The following RAVER2 variants were observed in gnomAD, a reference collection of about 807,000 sequenced individuals.
The protein encoded by RAVER2 is ribonucleoprotein PTB-binding 2.
Under a neutral mutation model 78.1 loss-of-function variants are expected in RAVER2, and 46 were observed. That is an observed-to-expected ratio of 0.59 (90% CI 0.46 to 0.75). RAVER2 has a LOEUF of 0.75. RAVER2 is among the 30% of genes least tolerant of loss of function. The pLI, the probability that RAVER2 is intolerant of heterozygous loss-of-function variation, is 0.00. For missense variants in RAVER2, 793 were observed against 837.5 expected, an observed-to-expected ratio of 0.95 and a Z score of 0.66; for synonymous variants, 311 against 313.3, an observed-to-expected ratio of 0.99 and a Z score of 0.08.
At chr1:64,824,485 C>T (rs1653961705) in intron 11 of RAVER2, among the ~76,000 whole-genome samples, 2 of 152,100 alleles carry the variant, frequency 1.3e-5, no homozygotes. Flanking sequence ...CAAACACCTA[C>T]CATACAAAAT....
At chr1:64,758,469 G>A (rs2100810094) in intron 1 of RAVER2, among the ~76,000 whole-genome samples, 1 of 152,218 alleles carries the variant, frequency 6.6e-6, no homozygotes. Context: ...AAGCCTTAGG[G>A]GAAATTCGAG....
rs1653518622 is a variant in RAVER2, at chr1:64,808,757, TG to T, written c.1680+1285del. 2.0e-5 allele frequency among the ~76,000 whole-genome samples: 3 copies of T among 152,180 alleles called. No homozygotes were observed. In the South Asian group the frequency reaches 6.2e-4, roughly 31 times the overall value. The stretch of plus-strand genomic sequence containing the variant: ...TATTACAGGTGTGAGCCACTGCACC[TG>T]GCCGTCAATTCTTTATAGAATGAAT... On this transcript the variant is annotated intron_variant, in intron 9 of 11. Transcript: ENST00000294428.
At chr1:64,789,095 G>C (rs1363946595) in intron 4 of RAVER2, among the ~76,000 whole-genome samples, 1 of 152,104 alleles carries the variant, frequency 6.6e-6, no homozygotes, top group Admixed American at 6.5e-5. Context: ...AATAACTTCA[G>C]ATTCCCTTGT....
chr1:64,775,811 G>C (rs1652445021), intron 2 of RAVER2, among the ~76,000 whole-genome samples: 1 of 152,112 alleles, frequency 6.6e-6, no homozygotes, highest in Non-Finnish European at 1.5e-5. Context: ...TTGAGGTCAG[G>C]AGTTCGAGAC....
At chr1:64,816,972 A>G (rs1653770889) in intron 11 of RAVER2, among the ~76,000 whole-genome samples, 1 of 152,240 alleles carries the variant, frequency 6.6e-6, no homozygotes, top group South Asian at 2.1e-4. Context: ...CAGGCAACCT[A>G]CAGAAGGGAG....
chr1:64,803,124 T>A, intron 6 of RAVER2, 63 bp downstream of exon 6: 1 of 1,266,818 alleles, frequency 7.9e-7, no homozygotes, highest in Non-Finnish European at 1.1e-6. Flanking sequence ...TGTTTGTTCT[T>A]AACACTTAAA....
At chr1:64,829,103 C>T (rs1465044561) in intron 11 of RAVER2, among the ~76,000 whole-genome samples, 2 of 152,130 alleles carry the variant, frequency 1.3e-5, no homozygotes, top group African/African-American at 4.8e-5. Context: ...GTGTTAGCAC[C>T]ATTGGGAAGC....
At chr1:64,831,048 C>CT in exon 12 of RAVER2, 1 of 1,499,512 alleles carries the variant, frequency 6.7e-7, no homozygotes, top group Non-Finnish European at 9.0e-7. Flanking sequence ...TCATCGCTGC[C>CT]TTAACTTCAT....
chr1:64,810,997 A>T (rs1231784943), intron 9 of RAVER2, among the ~76,000 whole-genome samples: 1 of 152,262 alleles, frequency 6.6e-6, no homozygotes, highest in East Asian at 1.9e-4. Flanking sequence ...ATGAATGCAT[A>T]AAATATATGT....
At chr1:64,803,156 T>C (rs1359709541) in intron 6 of RAVER2, 95 bp downstream of exon 6, 2 of 935,106 alleles carry the variant, frequency 2.1e-6, no homozygotes, top group African/African-American at 3.4e-5. Context: ...ATTAAATGAG[T>C]ATTTTGCTTT....
chr1:64,807,325 C>T lies in RAVER2; in HGVS notation c.1531C>T (p.Gln511Ter). 6.2e-7 allele frequency: 1 copy of T among 1,614,090 alleles called. No individual in the cohort carries two copies. The highest frequency in any genetic ancestry group is 1.7e-4 in the Middle Eastern group (1 of 6,058). The stretch of plus-strand genomic sequence containing the variant: ...AGGGCACAGTAATACTCAGGAGAAA[C>T]AGCCAGCCACGGTGGGAATGGCAGA... The change falls in exon 9 of 12, where the codon CAG becomes TAG. Residue 511 changes from glutamine (Q) to a stop codon, truncating the protein, a stop_gained. Transcript: ENST00000294428. LOFTEE classifies it high-confidence loss of function.
chr1:64,810,454 T>C (rs1653573579), intron 9 of RAVER2, among the ~76,000 whole-genome samples: 1 of 152,186 alleles, frequency 6.6e-6, no homozygotes, highest in South Asian at 2.1e-4. Context: ...AGACCTTTCA[T>C]GTCTCTTCTT....
At chr1:64,812,100 CT>C (rs1164581223) in intron 9 of RAVER2, among the ~76,000 whole-genome samples, 1 of 151,876 alleles carries the variant, frequency 6.6e-6, no homozygotes, top group Non-Finnish European at 1.5e-5. Context: ...AATCTCAACA[CT>C]TTGGTGTTGA....
intron 3 of RAVER2, among the ~76,000 whole-genome samples, chr1:64,781,072 T>A (rs971375562): frequency 3.9e-5 from 6 of 152,182 alleles, no homozygotes; most frequent in Non-Finnish European, 7.4e-5. Context: ...TGTGTCCTCA[T>A]GTTTTCCTAT....
Position 64,772,264 on chromosome 1 carries a change from C to G in RAVER2, c.316+3542C>G, listed in dbSNP as rs1464446428. ...GAACAGAAAATGTGACCTCCTTTCC[C>G]TACTGTCTGAACTTTTAAATTTGTT... On this transcript the variant is annotated intron_variant, in intron 2 of 11. Coordinates refer to ENST00000294428, the Ensembl canonical transcript of RAVER2. 2.0e-5 allele frequency among the ~76,000 whole-genome samples: 3 copies of G among 152,050 alleles called. No homozygotes were observed. The East Asian group carries it at 5.8e-4, about 29-fold the overall frequency.
chr1:64,802,632 G>A (rs1033443223), intron 5 of RAVER2, among the ~76,000 whole-genome samples: 4 of 152,064 alleles, frequency 2.6e-5, no homozygotes, highest in African/African-American at 9.7e-5. Flanking sequence ...CAAAATCCCT[G>A]AAATACCAAA....
chr1:64,817,346 G>A (rs150428831), intron 11 of RAVER2, among the ~76,000 whole-genome samples: 5,428 of 152,226 alleles, frequency 0.036, 126 homozygotes, highest in Non-Finnish European at 0.053. Flanking sequence ...TTGGTGTGGC[G>A]ATTCCTCAAG....
At chr1:64,765,724 ACTC>A (rs1275605129) in intron 1 of RAVER2, among the ~76,000 whole-genome samples, 1 of 152,088 alleles carries the variant, frequency 6.6e-6, no homozygotes, top group Admixed American at 6.6e-5. Flanking sequence ...GTTTATTACT[ACTC>A]ATAATATATG....
chr1:64,813,249 T>C (rs1653669533), intron 10 of RAVER2, among the ~76,000 whole-genome samples: 1 of 152,162 alleles, frequency 6.6e-6, no homozygotes, highest in South Asian at 2.1e-4. Context: ...TAAGAGAAAA[T>C]CACAAATGTG....
Sources: gnomAD v4.1 joint callset for allele counts (sites outside exome capture counted in the v4.1 genomes callset) on GRCh38, gnomAD v4.1.1 for gene constraint, MANE v1.5 for transcripts, NCBI Gene and HGNC (gene_info 2026-07-23, HGNC 2026-07-21) for gene names.